The following GALNTL6 variants were observed in gnomAD, a reference collection of about 807,000 sequenced individuals.
The protein encoded by GALNTL6 is polypeptide N-acetylgalactosaminyltransferase like 6.
Under a neutral mutation model 73.7 loss-of-function variants are expected in GALNTL6, and 46 were observed. That is an observed-to-expected ratio of 0.62 (90% CI 0.49 to 0.80). The LOEUF (loss-of-function observed/expected upper bound fraction) is 0.80. GALNTL6 is among the 30% of genes least tolerant of loss of function. GALNTL6 has a pLI of 0.00. For missense variants in GALNTL6, 604 were observed against 755.0 expected (o/e 0.80, Z 2.34); for synonymous variants, 259 against 263.7 (o/e 0.98, Z 0.17).
chr4:172,862,288 G>T (rs920116562), intron 7 of GALNTL6, among the ~76,000 whole-genome samples: 2 of 152,204 alleles, frequency 1.3e-5, no homozygotes, highest in African/African-American at 4.8e-5. Flanking sequence ...AAAGAGACTG[G>T]TGGCATTTAG....
At chr4:172,748,050 A>G (rs12502034) in intron 5 of GALNTL6, among the ~76,000 whole-genome samples, 22,393 of 152,182 alleles carry the variant, frequency 0.15, 1,914 homozygotes, top group East Asian at 0.26. Context: ...ATTTTACTAT[A>G]GATTAATTGA....
chr4:172,908,087 G>A (rs1346183385), intron 8 of GALNTL6, among the ~76,000 whole-genome samples: 1 of 152,194 alleles, frequency 6.6e-6, no homozygotes, highest in Non-Finnish European at 1.5e-5. Flanking sequence ...GCATGGAAAT[G>A]CTGGGCAGAG....
At chr4:172,294,212 C>T (rs1350879307) in intron 3 of GALNTL6, among the ~76,000 whole-genome samples, 1 of 151,908 alleles carries the variant, frequency 6.6e-6, no homozygotes, top group Non-Finnish European at 1.5e-5. Flanking sequence ...TATTTTGATG[C>T]ATTTAATCTA....
chr4:172,145,113 A>T (rs1275235054), intron 2 of GALNTL6, among the ~76,000 whole-genome samples: 1 of 151,890 alleles, frequency 6.6e-6, no homozygotes, highest in Non-Finnish European at 1.5e-5. Flanking sequence ...GGGAGCCACC[A>T]CACCCAGTTA....
chr4:172,957,439 G>A lies in GALNTL6; in HGVS notation c.1371+5181G>A, dbSNP rs912658681. Among the ~76,000 whole-genome samples the A allele has an allele frequency of 2.0e-5, 3 of 152,134 alleles. No homozygotes were observed. In the East Asian group the frequency reaches 5.8e-4, roughly 29 times the overall value. On this transcript the variant is annotated intron_variant, in intron 10 of 12. Coordinates refer to ENST00000506823, the MANE Select transcript of GALNTL6 (RefSeq NM_001034845.3). ...TAGGTGGAAGTTTCAGCAGGGCAGC[G>A]GGGCAGTAGGTGGGAGTGGTCAGAT... is the stretch of plus-strand genomic sequence containing the variant.
chr4:172,663,784 G>T (rs1731510540), intron 5 of GALNTL6, among the ~76,000 whole-genome samples: 1 of 152,002 alleles, frequency 6.6e-6, no homozygotes, highest in Non-Finnish European at 1.5e-5. Flanking sequence ...TAAAAAATTA[G>T]CCAGGCATAA....
chr4:171,972,685 A>C (rs982581891), intron 2 of GALNTL6, among the ~76,000 whole-genome samples: 2 of 152,106 alleles, frequency 1.3e-5, no homozygotes, highest in African/African-American at 2.4e-5. Context: ...TTGAACTAGC[A>C]ATGTGAGTTT....
intron 2 of GALNTL6, among the ~76,000 whole-genome samples, chr4:172,162,132 G>A (rs963898545): frequency 6.6e-6 from 1 of 151,726 alleles, no homozygotes; most frequent in African/African-American, 2.4e-5. Flanking sequence ...ATAAAACTTT[G>A]TAGTAAAATG....
At chr4:173,002,312 C>T (rs111481192) in intron 10 of GALNTL6, among the ~76,000 whole-genome samples, 25 of 151,930 alleles carry the variant, frequency 1.6e-4, no homozygotes, top group African/African-American at 5.8e-4. Flanking sequence ...ATCACTTGAA[C>T]CCAGGAGGTG....
intron 2 of GALNTL6, among the ~76,000 whole-genome samples, chr4:171,989,624 T>C (rs544513397): frequency 6.6e-6 from 1 of 152,308 alleles, no homozygotes; most frequent in South Asian, 2.1e-4. Context: ...AACTCAGAAA[T>C]ACATTGCTAC....
chr4:172,785,506 T>C (rs986998901), intron 5 of GALNTL6, among the ~76,000 whole-genome samples: 1 of 152,184 alleles, frequency 6.6e-6, no homozygotes, highest in Non-Finnish European at 1.5e-5. Flanking sequence ...GAGGGCCTAA[T>C]ATGTGTCAGG....
intron 7 of GALNTL6, among the ~76,000 whole-genome samples, chr4:172,873,611 T>C (rs899274593): frequency 1.3e-5 from 2 of 152,240 alleles, no homozygotes; most frequent in South Asian, 2.1e-4. Context: ...GTGCTGTTTT[T>C]CCCTCCTGTC....
chr4:172,585,423 C>T (rs982869195), intron 5 of GALNTL6, among the ~76,000 whole-genome samples: 47 of 152,184 alleles, frequency 3.1e-4, no homozygotes, highest in African/African-American at 1.1e-3. Flanking sequence ...CACCTCCTGA[C>T]ACGCCCCAGT....
Position 172,183,830 on chromosome 4 carries a change from G to A in GALNTL6, c.139-45826G>A, listed in dbSNP as rs34587001. ...TTTTTTTGAGACGGAGTCTCTCTCT[G>A]TTGCCAGGCTGGAGTGCAGTGGTGC... On this transcript the variant is annotated intron_variant, in intron 2 of 12. Coordinates refer to ENST00000506823, the MANE Select transcript of GALNTL6 (RefSeq NM_001034845.3). Among the ~76,000 whole-genome samples, 363 of 132,494 alleles carry A rather than the reference G, an allele frequency of 2.7e-3. 1 individual carries two copies. Among genetic ancestry groups the A allele is most frequent in the African/African-American group, 9.0e-3 (323 of 35,864 alleles). 86.9% of individuals were successfully genotyped at this position (132,494 alleles called of 152,430 possible).
chr4:172,774,887 G>A (rs905703576), intron 5 of GALNTL6, among the ~76,000 whole-genome samples: 1 of 151,850 alleles, frequency 6.6e-6, no homozygotes, highest in Admixed American at 6.6e-5. Context: ...TTGAAACCTG[G>A]AGGCAGAGGT....
intron 5 of GALNTL6, among the ~76,000 whole-genome samples, chr4:172,373,104 G>A (rs181936941): frequency 6.6e-6 from 1 of 152,324 alleles, no homozygotes; most frequent in African/African-American, 2.4e-5. Flanking sequence ...GGACCAGAGT[G>A]CCTGGACTTG....
intron 5 of GALNTL6, among the ~76,000 whole-genome samples, chr4:172,606,676 CTA>C (rs1491584202): frequency 1.8e-4 from 8 of 43,742 alleles, no homozygotes; most frequent in Admixed American, 9.8e-4. Flanking sequence ...TATATATATA[CTA>C]TATATATAGT....
intron 5 of GALNTL6, among the ~76,000 whole-genome samples, chr4:172,421,964 C>T (rs1052460442): frequency 6.6e-6 from 1 of 151,984 alleles, no homozygotes; most frequent in Non-Finnish European, 1.5e-5. Flanking sequence ...TTAATCTAAT[C>T]AAAAAATTAG....
chr4:173,002,255 T>C (rs1752075169), intron 10 of GALNTL6, among the ~76,000 whole-genome samples: 1 of 151,464 alleles, frequency 6.6e-6, no homozygotes, highest in Non-Finnish European at 1.5e-5. Flanking sequence ...CCAGGTGTGG[T>C]GGTGCACACC....
Sources: allele counts gnomAD v4.1 joint callset (sites outside exome capture counted in the v4.1 genomes callset), GRCh38; gene constraint gnomAD v4.1.1; transcripts MANE v1.5; gene names NCBI Gene and HGNC (gene_info 2026-07-23, HGNC 2026-07-21).